LRP2: variants seen among roughly 807,000 people sequenced by gnomAD.
The protein encoded by LRP2 is low-density lipoprotein receptor-related protein 2.
LRP2 carries 172 observed loss-of-function variants against 531.0 expected under a neutral mutation model. That is an observed-to-expected ratio of 0.32 (90% CI 0.29 to 0.37). LRP2 has a LOEUF of 0.37. Ranked by LOEUF, LRP2 falls within the 10% of genes least tolerant of loss-of-function variation. LRP2 has a pLI of 1.00. For synonymous variants in LRP2, 1,992 were observed against 2,027.6 expected (o/e 0.98, Z 0.47); for missense variants, 5,167 against 5,868.3 (o/e 0.88, Z 3.90).
At chr2:169,347,670 A>T (rs1170464705) in intron 1 of LRP2, among the ~76,000 whole-genome samples, 1 of 152,190 alleles carries the variant, frequency 6.6e-6, no homozygotes, top group African/African-American at 2.4e-5. Context: ...GTACCTAAAA[A>T]GTACAGTCTT....
chr2:169,144,550 G>C (rs974951951), intron 70 of LRP2, among the ~76,000 whole-genome samples: 3 of 152,308 alleles, frequency 2.0e-5, no homozygotes, highest in Non-Finnish European at 4.4e-5. Context: ...CAGGTGTACT[G>C]TGCCTTCCTC....
At chr2:169,311,730 G>C (rs1684603432) in intron 3 of LRP2, among the ~76,000 whole-genome samples, 1 of 152,170 alleles carries the variant, frequency 6.6e-6, no homozygotes, top group Non-Finnish European at 1.5e-5. Context: ...TTGGTGCAGA[G>C]CTGAGTTCAA....
At chr2:169,263,023 G>C (rs1690634309) in intron 16 of LRP2, among the ~76,000 whole-genome samples, 1 of 152,124 alleles carries the variant, frequency 6.6e-6, no homozygotes, top group African/African-American at 2.4e-5. Flanking sequence ...AAATGGTGCT[G>C]GGAAAACTGG....
intron 1 of LRP2, among the ~76,000 whole-genome samples, chr2:169,338,392 G>GAAAGAAAGAAAGAAAGAAAGAAAGAA (rs1685474945): frequency 8.1e-6 from 1 of 123,088 alleles, no homozygotes; most frequent in Non-Finnish European, 1.7e-5. Flanking sequence ...AAGAAAGAAA[G>GAAAGAAAGAAAGAAAGAAAGAAAGAA]AAAGAAAGAA....
At chr2:169,303,980 C>G (rs542821925) in intron 4 of LRP2, among the ~76,000 whole-genome samples, 2 of 152,322 alleles carry the variant, frequency 1.3e-5, no homozygotes, top group African/African-American at 4.8e-5. Context: ...CTCATTTCCT[C>G]TGCTTCGTTC....
At chr2:169,230,108 C>T (rs1689347616) in intron 31 of LRP2, among the ~76,000 whole-genome samples, 1 of 152,180 alleles carries the variant, frequency 6.6e-6, no homozygotes, top group African/African-American at 2.4e-5. Context: ...CAACAAAAGG[C>T]ACTATTTAAA....
intron 71 of LRP2, among the ~76,000 whole-genome samples, 177 bp from the exon 72 acceptor site, chr2:169,140,722 C>CA (rs1685691429): frequency 6.6e-6 from 1 of 152,082 alleles, no homozygotes; most frequent in South Asian, 2.1e-4. Flanking sequence ...TGGAGAGTAA[C>CA]ATACATTTAG....
At chr2:169,188,807 T>C (rs1455463359) in intron 48 of LRP2, among the ~76,000 whole-genome samples, 1 of 152,156 alleles carries the variant, frequency 6.6e-6, no homozygotes, top group Non-Finnish European at 1.5e-5. Context: ...ATAAGATTAT[T>C]GGGTGTGTCC....
Position 169,146,842 on chromosome 2 carries a change from G to T in LRP2, c.12708C>A (p.Ile4236=). 1 of 1,614,030 alleles carries T rather than the reference G, an allele frequency of 6.2e-7. No individual in the cohort carries two copies. The highest frequency in any genetic ancestry group is 8.5e-7 in the Non-Finnish European group (1 of 1,179,978). Residue 4236 remains isoleucine, a synonymous_variant, in exon 69 of 79, where the codon ATC becomes ATA. Transcript: ENST00000649046. The part of the protein sequence containing the change: ...EDLGWPTGLS[I]DYLNNDRIYW... ...AGATTCGGTCATTGTTCAAATAATCGATAGAAAGGCCAGTTGGCCAACCAA... is the reference window on the plus strand; with the variant it reads ...AGATTCGGTCATTGTTCAAATAATCTATAGAAAGGCCAGTTGGCCAACCAA...
intron 19 of LRP2, among the ~76,000 whole-genome samples, chr2:169,248,319 A>G (rs1690095448): frequency 6.6e-6 from 1 of 152,244 alleles, no homozygotes; most frequent in African/African-American, 2.4e-5. Context: ...AGAAAACCCT[A>G]ATTAATCAGA....
intron 1 of LRP2, among the ~76,000 whole-genome samples, chr2:169,327,913 G>T (rs1455865643): frequency 1.1e-5 from 1 of 91,592 alleles, no homozygotes; most frequent in Non-Finnish European, 2.2e-5. Flanking sequence ...CCGGCCAGCC[G>T]CCCCGTCCAG....
At chr2:169,173,735 T>G (rs1313905848) in intron 56 of LRP2, among the ~76,000 whole-genome samples, 184 bp downstream of exon 56, 1 of 152,074 alleles carries the variant, frequency 6.6e-6, no homozygotes, top group Non-Finnish European at 1.5e-5. Context: ...AGAAACAGAG[T>G]CTGGTTCCAC....
chr2:169,330,010 C>CT (rs957512236), intron 1 of LRP2, among the ~76,000 whole-genome samples: 1 of 152,224 alleles, frequency 6.6e-6, no homozygotes, highest in Admixed American at 6.5e-5. Context: ...TGAGAGGGAT[C>CT]TAGGTTGTGC....
chr2:169,322,751 G>A (rs1379593108), intron 1 of LRP2, among the ~76,000 whole-genome samples: 1 of 152,044 alleles, frequency 6.6e-6, no homozygotes, highest in Non-Finnish European at 1.5e-5. Flanking sequence ...AGTATCTGAG[G>A]TTGTAAAGGT....
chr2:169,263,946 G>A (rs1056501182), intron 16 of LRP2, among the ~76,000 whole-genome samples: 25 of 152,054 alleles, frequency 1.6e-4, no homozygotes, highest in African/African-American at 5.8e-4. Flanking sequence ...GTCCTTTGTA[G>A]GGACATGGAT....
intron 67 of LRP2, among the ~76,000 whole-genome samples, chr2:169,151,485 C>T (rs1305727650): frequency 1.3e-5 from 2 of 152,070 alleles, no homozygotes; most frequent in Admixed American, 6.6e-5. Context: ...GGGCTGGTGC[C>T]TTAACTCTGA....
rs780970748 is a variant in LRP2, at chr2:169,176,405, C to A, written c.10571+6G>T. The A allele has an allele frequency of 1.2e-6, 2 of 1,614,104 alleles. No homozygotes were observed. The highest frequency in any genetic ancestry group is 1.7e-6 in the Non-Finnish European group (2 of 1,180,004). ...GGCACTGAGGAGAGGGGAAAGAGAGCCTTACTTTTCATTGTTAGCGCACAG... is the reference window on the plus strand; with the variant it reads ...GGCACTGAGGAGAGGGGAAAGAGAGACTTACTTTTCATTGTTAGCGCACAG... On this transcript the variant is annotated splice_donor_region_variant and intron_variant, in intron 54 of 78. Coordinates refer to ENST00000649046, the MANE Select transcript of LRP2 (RefSeq NM_004525.3).
chr2:169,360,240 G>C, intron 1 of LRP2, among the ~76,000 whole-genome samples: 1 of 151,568 alleles, frequency 6.6e-6, no homozygotes, highest in Admixed American at 6.6e-5. Context: ...TTTTCTAGCA[G>C]TATGAACTGA....
At chr2:169,299,739 A>G (rs1271640107) in intron 4 of LRP2, among the ~76,000 whole-genome samples, 1 of 152,118 alleles carries the variant, frequency 6.6e-6, no homozygotes, top group Admixed American at 6.6e-5. Flanking sequence ...CCATGGTTTC[A>G]TACTTTAGTA....
Sources: gnomAD v4.1 joint callset for allele counts (sites outside exome capture counted in the v4.1 genomes callset) on GRCh38, gnomAD v4.1.1 for gene constraint, MANE v1.5 for transcripts, NCBI Gene and HGNC (gene_info 2026-07-23, HGNC 2026-07-21) for gene names.